GRK3: variants seen among roughly 807,000 people sequenced by gnomAD.
GRK3 encodes G protein-coupled receptor kinase 3.
In GRK3, 54 loss-of-function variants were observed where a neutral mutation model predicts 95.7. The ratio of observed to expected loss-of-function variants is 0.56; its 90% CI spans 0.45 to 0.71. GRK3 has a LOEUF of 0.71. Among genes scored for constraint, GRK3 ranks in the 30% least tolerant of loss-of-function variants. The pLI is 0.00. For synonymous variants in GRK3, 281 were observed against 290.8 expected (o/e 0.97, Z 0.34); for missense variants, 649 against 851.2 (o/e 0.76, Z 2.96).
intron 1 of GRK3, among the ~76,000 whole-genome samples, chr22:25,588,407 T>C (rs187332911): frequency 3.3e-5 from 5 of 152,364 alleles, no homozygotes; most frequent in African/African-American, 7.2e-5. Flanking sequence ...CTGTGCTGAA[T>C]TGTTTAGTAC....
intron 1 of GRK3, among the ~76,000 whole-genome samples, chr22:25,587,404 G>T (rs1396027563): frequency 3.9e-5 from 6 of 152,064 alleles, no homozygotes; most frequent in African/African-American, 1.4e-4. Context: ...ATTCTGAAAT[G>T]ATTCTTACAA....
At chr22:25,668,193 G>A (rs771783725) in intron 6 of GRK3, among the ~76,000 whole-genome samples, 3 of 152,216 alleles carry the variant, frequency 2.0e-5, no homozygotes, top group Non-Finnish European at 4.4e-5. Flanking sequence ...CTTCATGTAG[G>A]AGTAGAATTT....
At chr22:25,709,277 T>A (rs2085325082) in intron 15 of GRK3, among the ~76,000 whole-genome samples, 1 of 152,052 alleles carries the variant, frequency 6.6e-6, no homozygotes, top group Non-Finnish European at 1.5e-5. Flanking sequence ...GACCTCGTGA[T>A]CTGCCCGCCT....
chr22:25,596,716 A>G (rs1216854534), intron 1 of GRK3, among the ~76,000 whole-genome samples: 2 of 152,134 alleles, frequency 1.3e-5, no homozygotes, highest in East Asian at 3.9e-4. Flanking sequence ...CTCTTCATTC[A>G]TATCTTTATT....
chr22:25,614,447 T>G (rs1601474923), intron 2 of GRK3, among the ~76,000 whole-genome samples: 1 of 152,348 alleles, frequency 6.6e-6, no homozygotes, highest in Non-Finnish European at 1.5e-5. Flanking sequence ...TATTATCTGC[T>G]AAATTTTTAC....
At chr22:25,702,624 GT>G (rs1204467728) in intron 13 of GRK3, among the ~76,000 whole-genome samples, 5 of 152,158 alleles carry the variant, frequency 3.3e-5, no homozygotes, top group African/African-American at 1.2e-4. Flanking sequence ...CTTCTCCAAA[GT>G]TTTTAAAACA....
rs912667545 is a variant in GRK3, at chr22:25,699,094, G to T, written c.1160+3880G>T. Among the ~76,000 whole-genome samples, 5 of 152,060 alleles carry T rather than the reference G, an allele frequency of 3.3e-5. No homozygotes were observed. The South Asian group carries it at 8.3e-4, about 25-fold the overall frequency. On this transcript the variant is annotated intron_variant, in intron 13 of 20. Coordinates refer to ENST00000324198, the MANE Select transcript of GRK3 (RefSeq NM_005160.4). ...CAGGAGCAAAACCCTGTGGCGAGGCGGGCAGGAGGTGGGACTGTGTGCAGG... is the reference window on the plus strand; with the variant it reads ...CAGGAGCAAAACCCTGTGGCGAGGCTGGCAGGAGGTGGGACTGTGTGCAGG...
chr22:25,622,984 C>G (rs965813912), intron 2 of GRK3, among the ~76,000 whole-genome samples: 1 of 152,168 alleles, frequency 6.6e-6, no homozygotes, highest in African/African-American at 2.4e-5. Flanking sequence ...CTCTGTCACC[C>G]AGGCTGGAGG....
intron 5 of GRK3, among the ~76,000 whole-genome samples, chr22:25,665,127 G>A (rs2084933488): frequency 6.6e-6 from 1 of 152,200 alleles, no homozygotes; most frequent in East Asian, 1.9e-4. Context: ...ATGACACTGC[G>A]CTCTCCCTGA....
intron 9 of GRK3, among the ~76,000 whole-genome samples, chr22:25,683,859 A>C (rs1372029528): frequency 6.6e-6 from 1 of 152,102 alleles, no homozygotes; most frequent in African/African-American, 2.4e-5. Flanking sequence ...TGATGAATAG[A>C]AGTTCTTAAT....
At position 25,647,801 on chromosome 22, in the gene GRK3, G is replaced by GTATT. The variant is rs2084796716; in HGVS notation, c.264+3138_264+3141dup. The GTATT allele has an allele frequency of 8.9e-6, 8 of 898,400 alleles. 1 individual carries two copies. The South Asian group carries it at 1.0e-4, about 12-fold the overall frequency. The allele number at this position is 898,400 out of a possible 1,614,324, so 55.7% of individuals were successfully genotyped here. On this transcript the variant is annotated intron_variant, in intron 3 of 20. Transcript: ENST00000324198. The stretch of plus-strand genomic sequence containing the variant: ...CTTCTGAATCCTGGAAATTAATGAG[G>GTATT]TATTTTCTTAGGAAGAGAGAGTGAA...
intron 4 of GRK3, among the ~76,000 whole-genome samples, chr22:25,662,080 TATA>T (rs1294951021): frequency 1.3e-5 from 2 of 152,248 alleles, no homozygotes; most frequent in African/African-American, 4.8e-5. Flanking sequence ...TAAAGTGGCT[TATA>T]ATCATTGTGT....
At chr22:25,590,843 T>C (rs374265696) in intron 1 of GRK3, among the ~76,000 whole-genome samples, 17 of 152,148 alleles carry the variant, frequency 1.1e-4, no homozygotes, top group South Asian at 4.1e-4. Context: ...AATAGCATTA[T>C]TGAGGTATAA....
intron 1 of GRK3, among the ~76,000 whole-genome samples, chr22:25,587,685 C>T (rs1932360822): frequency 1.3e-5 from 2 of 152,176 alleles, no homozygotes; most frequent in African/African-American, 4.8e-5. Flanking sequence ...ATAATTCCCA[C>T]CTGTGGTGGG....
chr22:25,687,621 G>T lies in GRK3; in HGVS notation c.911G>T (p.Gly304Val). 6.2e-7 allele frequency: 1 copy of T among 1,614,118 alleles called. No homozygotes were observed. Among genetic ancestry groups the T allele is most frequent in the Non-Finnish European group, 8.5e-7 (1 of 1,179,998 alleles). Reference sequence around the variant, plus strand: ...TTTTATGCCACTGAAATCATTCTGGGTCTGGAACACATGCACAATCGGTTT... The same window carrying T: ...TTTTATGCCACTGAAATCATTCTGGTTCTGGAACACATGCACAATCGGTTT... ...MRFYATEIIL[G>V]LEHMHNRFVV... Residue 304 changes from glycine (G) to valine (V), a missense_variant, in exon 11 of 21, where the codon GGT (glycine) becomes GTT (valine). By Grantham distance (109) the Gly-to-Val change is moderately radical. Transcript: ENST00000324198.
chr22:25,591,442 C>T (rs937100743), intron 1 of GRK3, among the ~76,000 whole-genome samples: 1 of 152,076 alleles, frequency 6.6e-6, no homozygotes. Flanking sequence ...ACTCAATCCC[C>T]AGCCTCCCTG....
At chr22:25,636,444 C>G (rs1185965711) in intron 2 of GRK3, among the ~76,000 whole-genome samples, 1 of 152,216 alleles carries the variant, frequency 6.6e-6, no homozygotes, top group Non-Finnish European at 1.5e-5. Flanking sequence ...CAAAAAGCCT[C>G]TTATTATCCT....
rs752167374 is a variant in GRK3, at chr22:25,722,386, C to A, written c.2003C>A (p.Pro668His). The change falls in exon 21 of 21, where the codon CCT becomes CAT. Residue 668 changes from proline to histidine, a missense_variant. Transcript: ENST00000324198. ...LRRAPKFLNK[P>H]RSGTVELPKP... ...CGTGCCCCGAAGTTCCTCAACAAAC[C>A]TCGGTCAGGTACTGTGGAGCTCCCA... The A allele has an allele frequency of 1.2e-6, 2 of 1,614,186 alleles. No individual in the cohort carries two copies. Among genetic ancestry groups the A allele is most frequent in the South Asian group, 2.2e-5 (2 of 91,082 alleles).
At chr22:25,648,472 A>G in intron 3 of GRK3, 2 of 1,366,340 alleles carry the variant, frequency 1.5e-6, no homozygotes, top group Non-Finnish European at 2.1e-6. Context: ...TGTTTTGGCA[A>G]AGTGTGGATG....
Sources: allele counts gnomAD v4.1 joint callset (sites outside exome capture counted in the v4.1 genomes callset), GRCh38; gene constraint gnomAD v4.1.1; transcripts MANE v1.5; gene names NCBI Gene and HGNC (gene_info 2026-07-23, HGNC 2026-07-21).